Variants in ASXL2 observed in about 807,000 individuals in gnomAD.
ASXL2 encodes putative Polycomb group protein ASXL2.
A neutral mutation model predicts 122.0 loss-of-function variants in ASXL2; 23 were observed. The observed-to-expected ratio is 0.19, with a 90% CI of 0.14 to 0.27. ASXL2 has a LOEUF of 0.27. ASXL2 is among the 10% of genes least tolerant of loss of function. The probability of loss-of-function intolerance (pLI) is 1.00; values close to 1 mark genes in which losing one functional copy is unlikely to be tolerated. For synonymous variants in ASXL2, 650 were observed against 637.0 expected (o/e 1.02, Z -0.31); for missense variants, 1,518 against 1,713.8 (o/e 0.89, Z 2.02).
At chr2:25,856,561 G>C in intron 1 of ASXL2, 1 of 1,140,482 alleles carries the variant, frequency 8.8e-7, no homozygotes, top group Non-Finnish European at 1.3e-6. Flanking sequence ...TTCGCCAGAC[G>C]CTCCAAGGGG....
At chr2:25,791,511 G>C (rs1183287313) in intron 5 of ASXL2, among the ~76,000 whole-genome samples, 1 of 148,948 alleles carries the variant, frequency 6.7e-6, no homozygotes, top group Non-Finnish European at 1.5e-5. Flanking sequence ...AAGGAACTTT[G>C]TACAACAAAT....
intron 3 of ASXL2, among the ~76,000 whole-genome samples, chr2:25,808,791 A>G (rs1291376729): frequency 6.6e-6 from 1 of 152,172 alleles, no homozygotes; most frequent in Non-Finnish European, 1.5e-5. Context: ...CCCCAAAGAG[A>G]CCACATCAAA....
At chr2:25,792,623 AAC>A (rs1190700486) in intron 5 of ASXL2, among the ~76,000 whole-genome samples, 2 of 151,990 alleles carry the variant, frequency 1.3e-5, no homozygotes, top group Admixed American at 6.6e-5. Flanking sequence ...TTTTTCTTGA[AAC>A]AGTGTCTCAC....
At position 25,741,759 on chromosome 2, in the gene ASXL2, T is replaced by C. The variant is rs1470195791; in HGVS notation, c.*270A>G. 2.4e-6 allele frequency: 1 copy of C among 411,978 alleles called. No homozygotes were observed. Among genetic ancestry groups the C allele is most frequent in the Non-Finnish European group, 4.4e-6 (1 of 228,618 alleles). 25.5% of individuals were successfully genotyped at this position (411,978 alleles called of 1,614,324 possible). A position where few individuals can be genotyped will look rare whatever the true frequency, so the allele number is the denominator to read the frequency against. ...TACCTAAACACTTGGAAAAATAATG[T>C]TAAACAAAATGTGACATATTTACAT... On this transcript the variant is annotated 3_prime_UTR_variant, in exon 13 of 13. Coordinates refer to ENST00000435504, the MANE Select transcript of ASXL2 (RefSeq NM_018263.6).
chr2:25,776,992 T>C (rs1245090560), intron 5 of ASXL2, among the ~76,000 whole-genome samples: 1 of 152,182 alleles, frequency 6.6e-6, no homozygotes, highest in Non-Finnish European at 1.5e-5. Flanking sequence ...AAATAAATCA[T>C]GAAAATTACA....
At chr2:25,825,055 A>G (rs2089360578) in intron 3 of ASXL2, among the ~76,000 whole-genome samples, 2 of 152,212 alleles carry the variant, frequency 1.3e-5, no homozygotes, top group Admixed American at 1.3e-4. Context: ...GAATCATTGC[A>G]TTGTGAGCAG....
chr2:25,751,213 G>A lies in ASXL2; in HGVS notation c.1143-800C>T, dbSNP rs2088039131. On this transcript the variant is annotated intron_variant, in intron 11 of 12. Coordinates refer to ENST00000435504, the MANE Select transcript of ASXL2 (RefSeq NM_018263.6). ...TTGGTGACTTCAAAGAGTCAGTACT[G>A]TGCTTCTGAGATGGAATGGTTAGGG... Among the ~76,000 whole-genome samples, 3 of 152,206 alleles carry A rather than the reference G, an allele frequency of 2.0e-5. No homozygotes were observed. In the South Asian group the frequency reaches 6.2e-4, roughly 31 times the overall value.
At chr2:25,789,577 G>A (rs753998832) in intron 5 of ASXL2, among the ~76,000 whole-genome samples, 2 of 152,018 alleles carry the variant, frequency 1.3e-5, no homozygotes, top group African/African-American at 2.4e-5. Flanking sequence ...GTATACTTAC[G>A]TGTACTTTAA....
rs576450000 is a variant in ASXL2 at position 25,823,720 on chromosome 2, ATTTC to A, written c.143+11814_143+11817del. On this transcript the variant is annotated intron_variant, in intron 3 of 12. Transcript: ENST00000435504. Reference sequence around the variant, plus strand: ...TGAAAAACGTTTAATACAGTATTGGATTTCTTTCTTTTTTTTTTTTTCAGCTTAT... The same window carrying A: ...TGAAAAACGTTTAATACAGTATTGGATTTCTTTTTTTTTTTTTCAGCTTAT... Among the ~76,000 whole-genome samples the A allele has an allele frequency of 1.2e-3, 172 of 139,526 alleles. 4 individuals are homozygous for A. The South Asian group carries it at 0.036, about 29-fold the overall frequency. 91.5% of individuals were successfully genotyped at this position (139,526 alleles called of 152,430 possible). A position where few individuals can be genotyped will look rare whatever the true frequency, so the allele number is the denominator to read the frequency against.
chr2:25,801,782 C>T (rs769696741), intron 4 of ASXL2, among the ~76,000 whole-genome samples: 1 of 152,094 alleles, frequency 6.6e-6, no homozygotes, highest in Non-Finnish European at 1.5e-5. Context: ...TTAATTCAGG[C>T]CCTGAGTATT....
intron 5 of ASXL2, among the ~76,000 whole-genome samples, chr2:25,773,333 T>C (rs2149157043): frequency 6.6e-6 from 1 of 151,954 alleles, no homozygotes; most frequent in East Asian, 2.0e-4. Flanking sequence ...TGTTTAAAAA[T>C]GGAGTTGAAT....
rs576732888 is a variant in ASXL2, at chr2:25,873,642, T to TA, written c.57+4523dup. On this transcript the variant is annotated intron_variant, in intron 1 of 12. Coordinates refer to ENST00000435504, the MANE Select transcript of ASXL2 (RefSeq NM_018263.6). ...TAACCAATGAATAAAGTCTATATATTAAAAAAAAAAACAAAAAAACTACTT... is the reference window on the plus strand; with the variant it reads ...TAACCAATGAATAAAGTCTATATATTAAAAAAAAAAAACAAAAAAACTACTT... Among the ~76,000 whole-genome samples the TA allele has an allele frequency of 3.5e-3, 499 of 143,156 alleles. 3 individuals carry two copies. Among genetic ancestry groups the TA allele is most frequent in the African/African-American group, 4.6e-3 (180 of 39,208 alleles). 93.9% of individuals were successfully genotyped at this position (143,156 alleles called of 152,430 possible).
At chr2:25,773,953 C>T (rs2088504185) in intron 5 of ASXL2, among the ~76,000 whole-genome samples, 1 of 151,930 alleles carries the variant, frequency 6.6e-6, no homozygotes, top group Non-Finnish European at 1.5e-5. Flanking sequence ...TCACTTGAAC[C>T]TGGGAGGCGG....
At chr2:25,861,721 C>T (rs1018144323) in intron 1 of ASXL2, among the ~76,000 whole-genome samples, 5 of 152,176 alleles carry the variant, frequency 3.3e-5, no homozygotes, top group African/African-American at 9.7e-5. Context: ...TAGTCAGCCA[C>T]GTATTTTCAA....
At chr2:25,820,894 C>A (rs1435983690) in intron 3 of ASXL2, among the ~76,000 whole-genome samples, 1 of 152,006 alleles carries the variant, frequency 6.6e-6, no homozygotes, top group African/African-American at 2.4e-5. Context: ...AGGCCAGGCG[C>A]GGTGGCTCAC....
chr2:25,788,220 T>G (rs907814190), intron 5 of ASXL2, among the ~76,000 whole-genome samples: 1 of 152,170 alleles, frequency 6.6e-6, no homozygotes, highest in South Asian at 2.1e-4. Flanking sequence ...AAATTCCACA[T>G]GGTTTATAGA....
At chr2:25,822,346 A>C in intron 3 of ASXL2, 1 of 172,372 alleles carries the variant, frequency 5.8e-6, no homozygotes, top group African/African-American at 2.4e-5. Flanking sequence ...GCCTGAGGGA[A>C]GCGAGAAGAG....
At chr2:25,772,444 C>T (rs1182410297) in intron 5 of ASXL2, among the ~76,000 whole-genome samples, 24 of 152,042 alleles carry the variant, frequency 1.6e-4, no homozygotes, top group Non-Finnish European at 1.0e-4. Flanking sequence ...CATAAAAGTA[C>T]ACACAAGACC....
At chr2:25,753,661 A>ATTTTC in intron 10 of ASXL2, 22 bp from the exon 11 acceptor site, 1 of 1,555,534 alleles carries the variant, frequency 6.4e-7, no homozygotes, top group Non-Finnish European at 8.8e-7. Context: ...CCAAAAAAGG[A>ATTTTC]TATTCAATAG....
Sources: gnomAD v4.1 joint callset for allele counts (sites outside exome capture counted in the v4.1 genomes callset) on GRCh38, gnomAD v4.1.1 for gene constraint, MANE v1.5 for transcripts, NCBI Gene and HGNC (gene_info 2026-07-23, HGNC 2026-07-21) for gene names.